The following SNX4 variants were observed in gnomAD, a reference collection of about 807,000 sequenced individuals.
SNX4 encodes the protein sorting nexin 4, also known as sorting nexin-4.
A neutral mutation model predicts 70.8 loss-of-function variants in SNX4; 49 were observed. The observed-to-expected ratio is 0.69, with a 90% CI of 0.55 to 0.88. The LOEUF (loss-of-function observed/expected upper bound fraction) is 0.88, where lower values mean the gene tolerates loss of function less well. SNX4 is among the 40% of genes least tolerant of loss of function. The probability of loss-of-function intolerance (pLI) is 0.00; values close to 1 mark genes in which losing one functional copy is unlikely to be tolerated. For missense variants in SNX4, 528 were observed against 544.8 expected (o/e 0.97, Z 0.31); for synonymous variants, 206 against 183.8 (o/e 1.12, Z -0.98).
intron 1 of SNX4, among the ~76,000 whole-genome samples, chr3:125,509,228 G>A (rs1192140440): frequency 6.6e-6 from 1 of 151,572 alleles, no homozygotes; most frequent in Non-Finnish European, 1.5e-5. Context: ...TACTCAGGAG[G>A]CTGAAGCAGG....
intron 11 of SNX4, among the ~76,000 whole-genome samples, chr3:125,454,800 A>G (rs1236167893): frequency 6.6e-6 from 1 of 152,252 alleles, no homozygotes; most frequent in Non-Finnish European, 1.5e-5. Flanking sequence ...CAAAACCACC[A>G]TAAGCTTCAC....
At chr3:125,490,869 A>T (rs1934644655) in intron 5 of SNX4, among the ~76,000 whole-genome samples, 1 of 152,142 alleles carries the variant, frequency 6.6e-6, no homozygotes, top group Admixed American at 6.5e-5. Flanking sequence ...TCAATCAGGA[A>T]TCAATTTCTA....
In SNX4 at chr3:125,506,497, T is replaced by C. The variant is rs540514718; in HGVS notation, c.142-1753A>G. On this transcript the variant is annotated intron_variant, in intron 1 of 13. Transcript: ENST00000251775. ...CCAGGATTACAGGCTTGTGCCACCA[T>C]ACCAGGCTAATTTTTTTTTTTTTTT... Among the ~76,000 whole-genome samples, 5 of 148,472 alleles carry C rather than the reference T, an allele frequency of 3.4e-5. No individual in the cohort carries two copies. In the East Asian group the frequency reaches 9.9e-4, roughly 29 times the overall value.
At chr3:125,501,099 T>C (rs1450226478) in intron 2 of SNX4, among the ~76,000 whole-genome samples, 1 of 152,070 alleles carries the variant, frequency 6.6e-6, no homozygotes, top group Non-Finnish European at 1.5e-5. Flanking sequence ...CAATACTACA[T>C]AATTAAATTA....
At chr3:125,471,263 G>C (rs539696870) in intron 8 of SNX4, among the ~76,000 whole-genome samples, 2 of 145,422 alleles carry the variant, frequency 1.4e-5, no homozygotes, top group East Asian at 4.1e-4. Context: ...AGAATCGCTT[G>C]AACCCGGGAG....
At chr3:125,497,417 A>G (rs1481868822) in intron 4 of SNX4, 29 bp from the exon 5 acceptor site, 1 of 1,349,620 alleles carries the variant, frequency 7.4e-7, no homozygotes, top group Non-Finnish European at 1.1e-6. Flanking sequence ...TTTAGAAATC[A>G]TTATTGCAAA....
intron 2 of SNX4, 31 bp downstream of exon 2, chr3:125,504,592 T>C: frequency 6.3e-7 from 1 of 1,597,076 alleles, no homozygotes; most frequent in Non-Finnish European, 8.5e-7. Context: ...GCTTTCTGTC[T>C]ACCTGCCCAG....
At chr3:125,512,304 T>G (rs1159256389) in intron 1 of SNX4, among the ~76,000 whole-genome samples, 1 of 152,206 alleles carries the variant, frequency 6.6e-6, no homozygotes, top group African/African-American at 2.4e-5. Context: ...GAAAGCACAT[T>G]CTGATAAAGC....
intron 8 of SNX4, among the ~76,000 whole-genome samples, chr3:125,472,074 G>A (rs1934189006): frequency 6.6e-6 from 1 of 152,028 alleles, no homozygotes; most frequent in Non-Finnish European, 1.5e-5. Flanking sequence ...AACATCTGTT[G>A]CTTCATGTCA....
chr3:125,492,169 T>C (rs992618004), intron 5 of SNX4, among the ~76,000 whole-genome samples: 1 of 144,480 alleles, frequency 6.9e-6, no homozygotes, highest in East Asian at 2.0e-4. Context: ...AGTGTGAAGG[T>C]GGCCCTTGGA....
At chr3:125,510,696 T>C (rs550227051) in intron 1 of SNX4, among the ~76,000 whole-genome samples, 1 of 152,154 alleles carries the variant, frequency 6.6e-6, no homozygotes, top group Non-Finnish European at 1.5e-5. Flanking sequence ...TGATTCCCTG[T>C]ATATGAGGTA....
chr3:125,492,985 A>G (rs1934696641), intron 5 of SNX4, among the ~76,000 whole-genome samples: 1 of 152,230 alleles, frequency 6.6e-6, no homozygotes, highest in African/African-American at 2.4e-5. Flanking sequence ...TTTCATGACT[A>G]ACTATGTTAA....
chr3:125,520,005 G>A, intron 1 of SNX4, 27 bp downstream of exon 1: 2 of 1,466,624 alleles, frequency 1.4e-6, no homozygotes. Context: ...CACAGGCCAT[G>A]AGGGCTCTGC....
chr3:125,484,943 G>A (rs1446989194), intron 6 of SNX4, among the ~76,000 whole-genome samples: 1 of 152,100 alleles, frequency 6.6e-6, no homozygotes, highest in African/African-American at 2.4e-5. Context: ...GTGGGCGCCT[G>A]TAATCCCAGC....
Position 125,504,745 on chromosome 3 carries a change from C to G in SNX4, c.142-1G>C. 1 of 1,612,504 alleles carries G rather than the reference C, an allele frequency of 6.2e-7. No individual in the cohort carries two copies. Among genetic ancestry groups the G allele is most frequent in the Non-Finnish European group, 8.5e-7 (1 of 1,179,346 alleles). On this transcript the variant is annotated splice_acceptor_variant, in intron 1 of 13. Coordinates refer to ENST00000251775, the MANE Select transcript of SNX4 (RefSeq NM_003794.4). LOFTEE classifies it high-confidence loss of function. Reference sequence around the variant, plus strand: ...TCAACCAAAAATTATTGTGTGTCATCTGGACAAAAGTAAATAAAACAACAA... The same window carrying G: ...TCAACCAAAAATTATTGTGTGTCATGTGGACAAAAGTAAATAAAACAACAA...
intron 1 of SNX4, among the ~76,000 whole-genome samples, chr3:125,514,979 A>G (rs1404925551): frequency 1.6e-5 from 2 of 124,140 alleles, no homozygotes; most frequent in Non-Finnish European, 3.3e-5. Context: ...CTTCTTTTTA[A>G]TTTAAAAATA....
At chr3:125,503,537 T>G (rs1208375349) in intron 2 of SNX4, among the ~76,000 whole-genome samples, 1 of 152,228 alleles carries the variant, frequency 6.6e-6, no homozygotes, top group Non-Finnish European at 1.5e-5. Flanking sequence ...CCCTTTATTC[T>G]TAATTTACTC....
rs183848037 is a variant in SNX4, at chr3:125,518,921, G to A, written c.141+1111C>T. The stretch of plus-strand genomic sequence containing the variant: ...CCAGCTACTCAGGTAGCTGAGGGAT[G>A]AGAATCGCCTGAACCTGGGAGGCAG... On this transcript the variant is annotated intron_variant, in intron 1 of 13. Coordinates refer to ENST00000251775, the MANE Select transcript of SNX4 (RefSeq NM_003794.4). Among the ~76,000 whole-genome samples the A allele has an allele frequency of 1.6e-4, 24 of 152,200 alleles. 2 individuals carry two copies. The East Asian group carries it at 4.5e-3, about 28-fold the overall frequency.
chr3:125,490,212 A>C (rs1048150858), intron 5 of SNX4, among the ~76,000 whole-genome samples: 2 of 151,972 alleles, frequency 1.3e-5, no homozygotes. Context: ...CATTTTCATA[A>C]TCTATATTTT....
Sources: gnomAD v4.1 joint callset for allele counts (sites outside exome capture counted in the v4.1 genomes callset) on GRCh38, gnomAD v4.1.1 for gene constraint, MANE v1.5 for transcripts, NCBI Gene and HGNC (gene_info 2026-07-23, HGNC 2026-07-21) for gene names.